The following PRKCQ variants were observed in gnomAD, a reference collection of about 807,000 sequenced individuals.
PRKCQ encodes protein kinase C theta.
PRKCQ carries 41 observed loss-of-function variants against 91.2 expected under a neutral mutation model. That is an observed-to-expected ratio of 0.45 (90% CI 0.35 to 0.58). The LOEUF is 0.58. PRKCQ is among the 20% of genes least tolerant of loss of function. PRKCQ has a pLI of 0.00. For missense variants in PRKCQ, 673 were observed against 896.5 expected, an observed-to-expected ratio of 0.75 and a Z score of 3.18; for synonymous variants, 307 against 316.9, an observed-to-expected ratio of 0.97 and a Z score of 0.33.
chr10:6,445,256 A>G (rs920906374), intron 15 of PRKCQ, among the ~76,000 whole-genome samples: 4 of 151,426 alleles, frequency 2.6e-5, no homozygotes, highest in African/African-American at 9.7e-5. Context: ...CTGACCCTCC[A>G]CCACCCCGGG....
intron 12 of PRKCQ, 100 bp from the exon 13 acceptor site, chr10:6,464,504 C>G: frequency 9.8e-7 from 1 of 1,016,444 alleles, no homozygotes; most frequent in Non-Finnish European, 1.5e-6. Flanking sequence ...GGCTGGAGTG[C>G]AGTGGCGTGA....
chr10:6,504,426 C>T (rs949782491), intron 4 of PRKCQ, among the ~76,000 whole-genome samples: 1 of 152,208 alleles, frequency 6.6e-6, no homozygotes, highest in Middle Eastern at 3.2e-3. Flanking sequence ...CTAGGCTGTT[C>T]TCCCCACAGC....
At chr10:6,419,316 A>G in the PRKCQ span, among the ~76,000 whole-genome samples, 1 of 150,468 alleles carries the variant, frequency 6.6e-6, no homozygotes. Context: ...AAATACACAT[A>G]ATTTAAAAAT....
intron 8 of PRKCQ, among the ~76,000 whole-genome samples, chr10:6,490,287 G>A (rs1837212418): frequency 6.6e-6 from 1 of 152,090 alleles, no homozygotes; most frequent in South Asian, 2.1e-4. Flanking sequence ...TGAAGAAGGG[G>A]AGAATGCGGA....
intron 8 of PRKCQ, among the ~76,000 whole-genome samples, chr10:6,487,760 G>A (rs1051946224): frequency 1.3e-5 from 2 of 152,068 alleles, no homozygotes; most frequent in Admixed American, 1.3e-4. Flanking sequence ...CACTTTGGGA[G>A]GCCGAGGCGG....
rs1181194135 is a variant in PRKCQ, at chr10:6,427,387, C to G, written c.*820G>C. ...CGAGAAGGGGTTAAGGTTCTTTTCC[C>G]AGGAGACTTATGCACTTCATTTCTT... On this transcript the variant is annotated 3_prime_UTR_variant, in exon 18 of 18. Transcript: ENST00000263125. 1 of 152,076 alleles carries G rather than the reference C, an allele frequency of 6.6e-6. No individual in the cohort carries two copies. The highest frequency in any genetic ancestry group is 1.5e-5 in the Non-Finnish European group (1 of 68,032). 9.4% of individuals were successfully genotyped at this position (152,076 alleles called of 1,614,324 possible).
At chr10:6,456,555 A>T in intron 15 of PRKCQ, 119 bp downstream of exon 15, 1 of 1,351,080 alleles carries the variant, frequency 7.4e-7, no homozygotes, top group Non-Finnish European at 9.9e-7. Flanking sequence ...ATACTTAAGA[A>T]AACAGGTACA....
chr10:6,562,102 C>T (rs775227187), intron 1 of PRKCQ, among the ~76,000 whole-genome samples: 43 of 151,952 alleles, frequency 2.8e-4, no homozygotes, highest in African/African-American at 8.7e-4. Context: ...CTGGAGATAC[C>T]GGAAAGGAAA....
chr10:6,426,979 G>A (rs1180424532), downstream of PRKCQ, among the ~76,000 whole-genome samples: 1 of 152,170 alleles, frequency 6.6e-6, no homozygotes, highest in East Asian at 1.9e-4. Flanking sequence ...TAGGTGATCT[G>A]CCCACATTGG....
chr10:6,564,286 G>T (rs150124318), intron 1 of PRKCQ, among the ~76,000 whole-genome samples: 1 of 152,204 alleles, frequency 6.6e-6, no homozygotes, highest in Non-Finnish European at 1.5e-5. Context: ...GCTCAATCTC[G>T]GAAACTAAAC....
downstream of PRKCQ, among the ~76,000 whole-genome samples, chr10:6,422,383 A>G (rs1425711391): frequency 6.6e-6 from 1 of 152,128 alleles, no homozygotes; most frequent in Non-Finnish European, 1.5e-5. Flanking sequence ...AAGGTTATAC[A>G]CCACATCGGG....
At chr10:6,505,699 G>A (rs1838172360) in intron 4 of PRKCQ, among the ~76,000 whole-genome samples, 2 of 149,856 alleles carry the variant, frequency 1.3e-5, no homozygotes, top group South Asian at 4.2e-4. Flanking sequence ...ACACTGCAGT[G>A]CACTGGTGAA....
At chr10:6,485,967 A>G (rs1011992214) in intron 9 of PRKCQ, 68 bp downstream of exon 9, 134 of 1,363,450 alleles carry the variant, frequency 9.8e-5, no homozygotes, top group Non-Finnish European at 1.3e-4. Flanking sequence ...CAGGTGAAGC[A>G]GCAGAAGTGC....
intron 12 of PRKCQ, among the ~76,000 whole-genome samples, chr10:6,473,519 C>G (rs1181647279): frequency 6.6e-6 from 1 of 152,206 alleles, no homozygotes; most frequent in East Asian, 1.9e-4. Context: ...TGTAAGCGTT[C>G]TCAGGATCAG....
rs183131014 is a variant in PRKCQ at position 6,432,143 on chromosome 10, T to C, written c.1837-1205A>G. Among the ~76,000 whole-genome samples the C allele has an allele frequency of 7.6e-4, 115 of 152,314 alleles. 1 individual carries two copies. Among genetic ancestry groups the C allele is most frequent in the Non-Finnish European group, 1.0e-4 (7 of 68,022 alleles). On this transcript the variant is annotated intron_variant, in intron 16 of 17. Coordinates refer to ENST00000263125, the MANE Select transcript of PRKCQ (RefSeq NM_006257.5). ...GGCATTTTAAGGAGCCTAAGGTTCT[T>C]TAAAACAGAAAACATGGTGGAACGC...
downstream of PRKCQ, among the ~76,000 whole-genome samples, chr10:6,425,684 A>G (rs571987537): frequency 1.4e-4 from 22 of 152,276 alleles, no homozygotes; most frequent in Admixed American, 8.5e-4. Flanking sequence ...ATTAAAAACA[A>G]ATGATGAGGC....
chr10:6,444,883 G>A (rs558299766), intron 15 of PRKCQ, among the ~76,000 whole-genome samples: 1 of 152,202 alleles, frequency 6.6e-6, no homozygotes, highest in Non-Finnish European at 1.5e-5. Flanking sequence ...CAGCCCTTTG[G>A]GAGGCTGAGG....
chr10:6,425,572 C>T (rs1468384526), downstream of PRKCQ, among the ~76,000 whole-genome samples: 2 of 151,924 alleles, frequency 1.3e-5, no homozygotes, highest in Non-Finnish European at 2.9e-5. Context: ...TCAGAGGACA[C>T]CTGAAAGAAT....
intron 7 of PRKCQ, among the ~76,000 whole-genome samples, chr10:6,494,976 A>T (rs555296759): frequency 4.1e-4 from 62 of 152,208 alleles, no homozygotes; most frequent in Non-Finnish European, 6.8e-4. Context: ...TATCTACCAC[A>T]CTGCTCGGCC....
Sources: gnomAD v4.1 joint callset for allele counts (sites outside exome capture counted in the v4.1 genomes callset) on GRCh38, gnomAD v4.1.1 for gene constraint, MANE v1.5 for transcripts, NCBI Gene and HGNC (gene_info 2026-07-23, HGNC 2026-07-21) for gene names.